The following ATP9B variants were observed in gnomAD, a reference collection of about 807,000 sequenced individuals.
ATP9B encodes probable phospholipid-transporting ATPase IIB.
Under a neutral mutation model 146.1 loss-of-function variants are expected in ATP9B, and 110 were observed. The observed-to-expected ratio is 0.75, with a 90% confidence interval of 0.65 to 0.88. The LOEUF is 0.88. Ranked by LOEUF, ATP9B falls within the 40% of genes least tolerant of loss-of-function variation. The pLI, the probability that ATP9B is intolerant of heterozygous loss-of-function variation, is 0.00. For synonymous variants in ATP9B, 604 were observed against 569.7 expected (o/e 1.06, Z -0.86); for missense variants, 1,499 against 1,496.4 (o/e 1.00, Z -0.03).
intron 20 of ATP9B, among the ~76,000 whole-genome samples, chr18:79,342,885 A>C (rs960061142): frequency 2.0e-5 from 3 of 152,230 alleles, no homozygotes; most frequent in Non-Finnish European, 2.9e-5. Flanking sequence ...TACAAAATAG[A>C]AATGTGTTTT....
Position 79,180,584 on chromosome 18 carries a change from T to C in ATP9B, c.873+3677T>C, listed in dbSNP as rs369534049. 5.3e-5 allele frequency among the ~76,000 whole-genome samples: 8 copies of C among 152,302 alleles called. No homozygotes were observed. The East Asian group carries it at 5.8e-4, about 11-fold the overall frequency. ...AAAGTTGTCAAGCATATTTTAAAGA[T>C]AGTAAAAAATGAAAACAGTCTTTTC... On this transcript the variant is annotated intron_variant, in intron 8 of 29. Transcript: ENST00000426216.
At chr18:79,308,033 T>A (rs2096628841) in intron 15 of ATP9B, among the ~76,000 whole-genome samples, 1 of 152,124 alleles carries the variant, frequency 6.6e-6, no homozygotes, top group African/African-American at 2.4e-5. Context: ...GATCTAATGT[T>A]TTAAAGAGAG....
chr18:79,327,813 GTT>G, intron 15 of ATP9B, among the ~76,000 whole-genome samples: 6 of 126,366 alleles, frequency 4.7e-5, no homozygotes, highest in African/African-American at 1.5e-4. Context: ...TGGTTAGCGT[GTT>G]CTCCGTGGTT....
rs533143431 is a variant in ATP9B at position 79,152,346 on chromosome 18, CT to C, written c.727-2156del. 6.6e-3 allele frequency among the ~76,000 whole-genome samples: 1,009 copies of C among 152,274 alleles called. 14 individuals are homozygous for C. Among genetic ancestry groups the C allele is most frequent in the African/African-American group, 0.023 (967 of 41,550 alleles). On this transcript the variant is annotated intron_variant, in intron 6 of 29. Coordinates refer to ENST00000426216, the MANE Select transcript of ATP9B (RefSeq NM_198531.5). ...TTATATGACAAGCCTGCTAAAATCT[CT>C]TGGCATTTCTCTTCTGAGTTATTCT...
chr18:79,176,691 A>G, intron 7 of ATP9B, 122 bp from the exon 8 acceptor site: 1 of 734,812 alleles, frequency 1.4e-6, no homozygotes, highest in East Asian at 2.8e-5. Flanking sequence ...TCCTGGGAAT[A>G]TCTAGATTGT....
intron 1 of ATP9B, among the ~76,000 whole-genome samples, chr18:79,088,612 G>T (rs571713794): frequency 2.0e-5 from 3 of 152,268 alleles, no homozygotes; most frequent in Non-Finnish European, 4.4e-5. Context: ...GTAGAGTAGG[G>T]TGTTTAAAAG....
At chr18:79,186,641 A>G (rs144760450) in intron 8 of ATP9B, among the ~76,000 whole-genome samples, 148 of 152,348 alleles carry the variant, frequency 9.7e-4, no homozygotes, top group African/African-American at 3.4e-3. Context: ...ACATTCTAGT[A>G]GAAGTTTCAT....
intron 10 of ATP9B, among the ~76,000 whole-genome samples, chr18:79,208,870 T>C (rs1257171409): frequency 6.6e-6 from 1 of 152,174 alleles, no homozygotes; most frequent in Non-Finnish European, 1.5e-5. Context: ...TCTGTAGGCC[T>C]CGAGAGGGAC....
Position 79,164,297 on chromosome 18 carries a change from G to A in ATP9B, c.778+9742G>A, listed in dbSNP as rs2094930534. On this transcript the variant is annotated intron_variant, in intron 7 of 29. Transcript: ENST00000426216. Reference sequence around the variant, plus strand: ...ACTTTAATTGATAACGCCAATAACTGGAGAATCTTTTCATGGCTCTTGATC... The same window carrying A: ...ACTTTAATTGATAACGCCAATAACTAGAGAATCTTTTCATGGCTCTTGATC... Among the ~76,000 whole-genome samples the A allele has an allele frequency of 2.6e-5, 4 of 152,108 alleles. No homozygotes were observed. In the South Asian group the frequency reaches 8.3e-4, roughly 32 times the overall value.
At chr18:79,070,966 A>G (rs1018846573) in intron 1 of ATP9B, among the ~76,000 whole-genome samples, 3 of 150,768 alleles carry the variant, frequency 2.0e-5, no homozygotes, top group Non-Finnish European at 4.4e-5. Context: ...TACATTTACG[A>G]TAATTACTGA....
intron 4 of ATP9B, among the ~76,000 whole-genome samples, chr18:79,123,663 A>G (rs2094228841): frequency 6.6e-6 from 1 of 152,202 alleles, no homozygotes; most frequent in African/African-American, 2.4e-5. Flanking sequence ...ACACTTTCCC[A>G]TTCCCAAACT....
chr18:79,261,758 GCTA>G (rs1284201971), intron 12 of ATP9B, among the ~76,000 whole-genome samples: 1 of 152,136 alleles, frequency 6.6e-6, no homozygotes, highest in African/African-American at 2.4e-5. Flanking sequence ...GTGCTCCATG[GCTA>G]CTGTTTTGCT....
intron 13 of ATP9B, among the ~76,000 whole-genome samples, chr18:79,284,890 G>A (rs993780069): frequency 3.3e-5 from 5 of 151,612 alleles, no homozygotes; most frequent in African/African-American, 4.8e-5. Context: ...TTGTTCTTGC[G>A]ATAGTTTATT....
intron 25 of ATP9B, among the ~76,000 whole-genome samples, chr18:79,356,157 G>A (rs113073298): frequency 2.6e-5 from 4 of 152,172 alleles, no homozygotes; most frequent in African/African-American, 7.2e-5. Flanking sequence ...TGAGCGCATC[G>A]TCAGCCACAG....
intron 11 of ATP9B, among the ~76,000 whole-genome samples, chr18:79,216,747 T>C (rs533418704): frequency 1.3e-5 from 2 of 152,316 alleles, no homozygotes; most frequent in Non-Finnish European, 2.9e-5. Flanking sequence ...AAAAATAGTC[T>C]TCTAAATTTG....
chr18:79,121,629 T>C (rs1439909284), intron 4 of ATP9B, among the ~76,000 whole-genome samples: 1 of 152,212 alleles, frequency 6.6e-6, no homozygotes, highest in Admixed American at 6.5e-5. Flanking sequence ...TTTATGTTCC[T>C]AGGCTGGCCA....
At chr18:79,209,704 C>T in intron 10 of ATP9B, 1 of 982,534 alleles carries the variant, frequency 1.0e-6, no homozygotes, top group African/African-American at 1.7e-5. Context: ...AAACCATCCA[C>T]TCGAGAAGCT....
chr18:79,355,940 G>A (rs1462671047), intron 25 of ATP9B, among the ~76,000 whole-genome samples: 1 of 152,180 alleles, frequency 6.6e-6, no homozygotes, highest in Non-Finnish European at 1.5e-5. Context: ...CCGGAGAAAG[G>A]CCTCATGGGC....
chr18:79,283,122 C>A (rs889511944), intron 13 of ATP9B, among the ~76,000 whole-genome samples: 1 of 152,174 alleles, frequency 6.6e-6, no homozygotes, highest in African/African-American at 2.4e-5. Context: ...ATTTTGTATT[C>A]CATATTTTAG....
Sources: gnomAD v4.1 joint callset for allele counts (sites outside exome capture counted in the v4.1 genomes callset) on GRCh38, gnomAD v4.1.1 for gene constraint, MANE v1.5 for transcripts, NCBI Gene and HGNC (gene_info 2026-07-23, HGNC 2026-07-21) for gene names.